LDHC: variants seen among roughly 807,000 people sequenced by gnomAD.
LDHC encodes L-lactate dehydrogenase C chain.
Under a neutral mutation model 30.2 loss-of-function variants are expected in LDHC, and 20 were observed. That is an observed-to-expected ratio of 0.66 (90% CI 0.47 to 0.96). The LOEUF is 0.96. Among genes scored for constraint, LDHC ranks in the 40% least tolerant of loss-of-function variants. LDHC has a pLI of 0.00. For missense variants in LDHC, 362 were observed against 394.9 expected, an observed-to-expected ratio of 0.92 and a Z score of 0.71; for synonymous variants, 139 against 132.7, an observed-to-expected ratio of 1.05 and a Z score of -0.32.
intron 4 of LDHC, 49 bp downstream of exon 4, chr11:18,429,959 C>T (rs1848235285): frequency 8.7e-7 from 1 of 1,155,604 alleles, no homozygotes; most frequent in Non-Finnish European, 1.3e-6. Flanking sequence ...TCTTTCCATA[C>T]CATTCCTTTA....
At chr11:18,438,831 CTTA>C (rs1848405851) in intron 6 of LDHC, among the ~76,000 whole-genome samples, 186 bp downstream of exon 6, 1 of 152,080 alleles carries the variant, frequency 6.6e-6, no homozygotes, top group Admixed American at 6.6e-5. Flanking sequence ...AGAAAAAGTA[CTTA>C]TTATTTCACA....
intron 5 of LDHC, 106 bp downstream of exon 5, chr11:18,435,019 AT>A: frequency 5.7e-6 from 4 of 700,988 alleles, no homozygotes; most frequent in Non-Finnish European, 9.0e-6. Context: ...TATAAGTTTA[AT>A]TTTTTTGGTA....
intron 4 of LDHC, among the ~76,000 whole-genome samples, chr11:18,431,289 C>T (rs1848260797): frequency 6.6e-6 from 1 of 151,892 alleles, no homozygotes; most frequent in Non-Finnish European, 1.5e-5. Flanking sequence ...AGTGAAACCC[C>T]ATCTCTACTA....
At chr11:18,443,307 C>A (rs549105432) in intron 6 of LDHC, among the ~76,000 whole-genome samples, 4 of 152,272 alleles carry the variant, frequency 2.6e-5, no homozygotes, top group South Asian at 4.2e-4. Flanking sequence ...ATACCCCCCA[C>A]CCACTAAGGA....
In LDHC at chr11:18,434,690, T is replaced by G. The variant is rs774706797; in HGVS notation, c.419-50T>G. 8.9e-6 allele frequency: 11 copies of G among 1,237,394 alleles called. No homozygotes were observed. In the South Asian group the frequency reaches 1.3e-4, roughly 15 times the overall value. 76.7% of individuals were successfully genotyped at this position (1,237,394 alleles called of 1,614,324 possible). On this transcript the variant is annotated intron_variant, in intron 4 of 7. Coordinates refer to ENST00000541669, the MANE Select transcript of LDHC (RefSeq NM_017448.5). Reference sequence around the variant, plus strand: ...TCTATGTATTCAGGAAAAAAAAAATTTTTTTAAGTTATGATGAATCTTTTT... The same window carrying G: ...TCTATGTATTCAGGAAAAAAAAAATGTTTTTAAGTTATGATGAATCTTTTT...
intron 7 of LDHC, among the ~76,000 whole-genome samples, chr11:18,448,318 C>G (rs186205423): frequency 1.2e-4 from 18 of 152,184 alleles, no homozygotes; most frequent in East Asian, 7.7e-4. Context: ...AAGTCTTACT[C>G]TGTTGCCCAG....
chr11:18,449,663 A>C (rs2133850163), intron 7 of LDHC, among the ~76,000 whole-genome samples: 1 of 152,234 alleles, frequency 6.6e-6, no homozygotes, highest in Non-Finnish European at 1.5e-5. Context: ...GGGTGAGTGT[A>C]AAGTGGCTAC....
At chr11:18,444,305 G>A (rs1373685872) in intron 6 of LDHC, among the ~76,000 whole-genome samples, 2 of 151,794 alleles carry the variant, frequency 1.3e-5, no homozygotes, top group Non-Finnish European at 2.9e-5. Flanking sequence ...TAATACCTGA[G>A]AGGATAAATC....
chr11:18,424,116 G>A (rs983521979), intron 3 of LDHC, among the ~76,000 whole-genome samples: 3 of 152,206 alleles, frequency 2.0e-5, no homozygotes, highest in Non-Finnish European at 4.4e-5. Flanking sequence ...CGGGTGCGGT[G>A]GCTCACGCCT....
intron 3 of LDHC, among the ~76,000 whole-genome samples, chr11:18,418,629 G>A (rs1166863833): frequency 6.6e-6 from 1 of 151,862 alleles, no homozygotes; most frequent in African/African-American, 2.4e-5. Context: ...GTTTCACCAT[G>A]TTGGCCAGGC....
intron 3 of LDHC, among the ~76,000 whole-genome samples, chr11:18,423,720 G>A (rs927120697): frequency 5.9e-5 from 9 of 151,998 alleles, no homozygotes; most frequent in Non-Finnish European, 8.8e-5. Flanking sequence ...AGTTAAGAGT[G>A]TTCACAAAAA....
At position 18,423,489 on chromosome 11, in the gene LDHC, A is replaced by G. The variant is rs574161534; in HGVS notation, c.245-6248A>G. On this transcript the variant is annotated intron_variant, in intron 3 of 7. Coordinates refer to ENST00000541669, the MANE Select transcript of LDHC (RefSeq NM_017448.5). ...TTTATGGACCTTTAGAATTGTTCTT[A>G]TGGCAGTAGTTATCATTATGGAAAA... is the stretch of plus-strand genomic sequence containing the variant. Among the ~76,000 whole-genome samples, 7 of 152,354 alleles carry G rather than the reference A, an allele frequency of 4.6e-5. No individual in the cohort carries two copies. The South Asian group carries it at 1.4e-3, about 32-fold the overall frequency.
intron 6 of LDHC, among the ~76,000 whole-genome samples, chr11:18,441,610 G>A (rs981023018): frequency 1.0e-4 from 15 of 147,758 alleles, no homozygotes; most frequent in Non-Finnish European, 1.9e-4. Flanking sequence ...CGGCCCTTTA[G>A]AAGATATTTC....
At chr11:18,414,722 G>A (rs1866974683) in intron 2 of LDHC, among the ~76,000 whole-genome samples, 2 of 152,072 alleles carry the variant, frequency 1.3e-5, no homozygotes, top group African/African-American at 2.4e-5. Flanking sequence ...CAGCTACTCG[G>A]GAGGCTGAAG....
At chr11:18,450,113 T>A (rs1284424530) in intron 7 of LDHC, 1 of 152,306 alleles carries the variant, frequency 6.6e-6, no homozygotes, top group Admixed American at 6.6e-5. Flanking sequence ...TATTGAGTTT[T>A]CCTATCTTCC....
intron 5 of LDHC, among the ~76,000 whole-genome samples, chr11:18,435,119 T>G (rs1848334279): frequency 6.6e-6 from 1 of 152,222 alleles, no homozygotes; most frequent in East Asian, 1.9e-4. Flanking sequence ...CCACAAAGCA[T>G]ATAGCTGTTT....
chr11:18,417,931 G>A (rs1480763875), intron 3 of LDHC, among the ~76,000 whole-genome samples: 2 of 152,156 alleles, frequency 1.3e-5, no homozygotes, highest in African/African-American at 2.4e-5. Context: ...AGCTTTGCGA[G>A]GCTGATGCAG....
chr11:18,429,829 A>T lies in LDHC; in HGVS notation c.337A>T (p.Asn113Tyr), dbSNP rs1848233088. The T allele has an allele frequency of 3.1e-6, 5 of 1,611,888 alleles. No homozygotes were observed. Among genetic ancestry groups the T allele is most frequent in the Non-Finnish European group, 4.2e-6 (5 of 1,177,960 alleles). Residue 113 changes from asparagine (N) to tyrosine (Y), a missense_variant, in exon 4 of 8, where the codon AAT becomes TAT. Coordinates refer to ENST00000541669, the MANE Select transcript of LDHC (RefSeq NM_017448.5). Reference sequence around the variant, plus strand: ...AACTCGCCTTGCCCTGGTCCAACGTAATGTGGCTATAATGAAATCAATCAT... The same window carrying T: ...AACTCGCCTTGCCCTGGTCCAACGTTATGTGGCTATAATGAAATCAATCAT... ...GETRLALVQR[N>Y]VAIMKSIIPA...
intron 6 of LDHC, among the ~76,000 whole-genome samples, chr11:18,441,490 G>T (rs1848465398): frequency 6.6e-6 from 1 of 151,680 alleles, no homozygotes; most frequent in African/African-American, 2.4e-5. Flanking sequence ...TGTATTTTTA[G>T]TAGAAACGGG....
Sources: gnomAD v4.1 joint callset for allele counts (sites outside exome capture counted in the v4.1 genomes callset) on GRCh38, gnomAD v4.1.1 for gene constraint, MANE v1.5 for transcripts, NCBI Gene and HGNC (gene_info 2026-07-23, HGNC 2026-07-21) for gene names.